The following PCDHA12 variants were observed in gnomAD, a reference collection of about 807,000 sequenced individuals.
PCDHA12 encodes protocadherin alpha 12.
PCDHA12 carries 44 observed loss-of-function variants against 60.0 expected under a neutral mutation model. That is an observed-to-expected ratio of 0.73 (90% CI 0.58 to 0.94). PCDHA12 has a LOEUF of 0.94. Ranked by LOEUF, PCDHA12 falls within the 40% of genes least tolerant of loss-of-function variation. The pLI, the probability that PCDHA12 is intolerant of heterozygous loss-of-function variation, is 0.00. For missense variants in PCDHA12, 1,276 were observed against 1,239.7 expected (o/e 1.03, Z -0.44); for synonymous variants, 569 against 553.0 (o/e 1.03, Z -0.40).
At chr5:140,957,269 T>TC (rs2095346885) in intron 1 of PCDHA12, among the ~76,000 whole-genome samples, 1 of 152,070 alleles carries the variant, frequency 6.6e-6, no homozygotes, top group African/African-American at 2.4e-5. Context: ...TAAGCACTAG[T>TC]CCCCCCTTAC....
intron 3 of PCDHA12, among the ~76,000 whole-genome samples, chr5:141,000,251 G>C (rs2097898188): frequency 6.6e-6 from 1 of 151,264 alleles, no homozygotes; most frequent in Non-Finnish European, 1.5e-5. Context: ...GCTGACACCT[G>C]TGATCCTAGC....
intron 3 of PCDHA12, among the ~76,000 whole-genome samples, chr5:140,995,578 T>C (rs1554254730): frequency 1.3e-5 from 2 of 152,256 alleles, no homozygotes; most frequent in African/African-American, 4.8e-5. Flanking sequence ...AGATGAGCTA[T>C]GAGCTTTTAA....
chr5:140,990,758 C>G (rs1432023166), intron 3 of PCDHA12, among the ~76,000 whole-genome samples: 1 of 152,162 alleles, frequency 6.6e-6, no homozygotes, highest in African/African-American at 2.4e-5. Flanking sequence ...ACCTTTGAGC[C>G]TGTAAATTTG....
rs76093196 is a variant in PCDHA12, at chr5:140,971,173, C to G, written c.2368-7776C>G. Reference sequence around the variant, plus strand: ...AGGCCAGGCTCAGCTTTGCCACCAGCTGTAAGCCGGAAGCTCAGAGGAAAG... The same window carrying G: ...AGGCCAGGCTCAGCTTTGCCACCAGGTGTAAGCCGGAAGCTCAGAGGAAAG... On this transcript the variant is annotated intron_variant, in intron 1 of 3. Transcript: ENST00000398631. Among the ~76,000 whole-genome samples the G allele has an allele frequency of 3.8e-3, 583 of 152,260 alleles. 1 individual carries two copies. Among genetic ancestry groups the G allele is most frequent in the Non-Finnish European group, 7.2e-3 (492 of 68,018 alleles).
At chr5:140,986,950 A>C (rs1161887732) in intron 3 of PCDHA12, among the ~76,000 whole-genome samples, 1 of 152,164 alleles carries the variant, frequency 6.6e-6, no homozygotes, top group Admixed American at 6.5e-5. Flanking sequence ...GTGGTCGCTC[A>C]TGCCTGTAAT....
At chr5:140,896,398 A>T (rs1322743669) in intron 1 of PCDHA12, among the ~76,000 whole-genome samples, 3 of 151,946 alleles carry the variant, frequency 2.0e-5, no homozygotes, top group African/African-American at 7.3e-5. Context: ...AGCATCTGTT[A>T]TTTTTGACTT....
At chr5:140,881,523 C>T in intron 1 of PCDHA12, 1 of 194,568 alleles carries the variant, frequency 5.1e-6, no homozygotes, top group Non-Finnish European at 9.4e-6. Context: ...AAATCCCACA[C>T]ATATTGACTG....
intron 1 of PCDHA12, among the ~76,000 whole-genome samples, chr5:140,935,292 G>A (rs782760921): frequency 3.0e-4 from 46 of 152,068 alleles, no homozygotes; most frequent in Non-Finnish European, 3.8e-4. Context: ...TCAGCACTCC[G>A]AGGTTTTTAC....
chr5:140,907,344 C>T (rs548533041), intron 1 of PCDHA12, among the ~76,000 whole-genome samples: 111 of 152,276 alleles, frequency 7.3e-4, no homozygotes, highest in Non-Finnish European at 1.2e-3. Flanking sequence ...TGCATGAGCC[C>T]GCTGCTGCAC....
At chr5:140,884,446 G>C in intron 1 of PCDHA12, 1 of 1,613,770 alleles carries the variant, frequency 6.2e-7, no homozygotes, top group Non-Finnish European at 8.5e-7. Context: ...GCTCGGCACC[G>C]CCCACCGAGG....
At chr5:140,921,868 T>C (rs1037750056) in intron 1 of PCDHA12, among the ~76,000 whole-genome samples, 1 of 152,016 alleles carries the variant, frequency 6.6e-6, no homozygotes, top group Non-Finnish European at 1.5e-5. Context: ...ATATATACAG[T>C]ATATATATAA....
At chr5:140,965,352 T>C (rs1474672624) in intron 1 of PCDHA12, among the ~76,000 whole-genome samples, 1 of 152,166 alleles carries the variant, frequency 6.6e-6, no homozygotes, top group Admixed American at 6.5e-5. Context: ...GTTGCCTCTA[T>C]AGCAGTACAA....
chr5:140,911,672 C>G (rs1010402307), intron 1 of PCDHA12, among the ~76,000 whole-genome samples: 1 of 152,156 alleles, frequency 6.6e-6, no homozygotes, highest in Non-Finnish European at 1.5e-5. Context: ...TTGCCTCTCA[C>G]GAACCGTGCA....
intron 1 of PCDHA12, among the ~76,000 whole-genome samples, chr5:140,893,124 CA>C (rs2063834148): frequency 2.0e-5 from 3 of 152,298 alleles, no homozygotes; most frequent in Admixed American, 1.3e-4. Flanking sequence ...ATATACACCA[CA>C]TTTTCTTTAT....
chr5:140,927,921 G>A, intron 1 of PCDHA12: 2 of 1,614,194 alleles, frequency 1.2e-6, no homozygotes, highest in South Asian at 1.1e-5. Context: ...TGGACTTCCT[G>A]ACTCTTTCGA....
At chr5:140,905,395 G>T (rs1562949609) in intron 1 of PCDHA12, among the ~76,000 whole-genome samples, 1 of 152,166 alleles carries the variant, frequency 6.6e-6, no homozygotes. Context: ...AGGTCTGTGT[G>T]CCTATTTTTA....
chr5:140,880,970 C>A (rs2058546777), intron 1 of PCDHA12, among the ~76,000 whole-genome samples: 1 of 152,070 alleles, frequency 6.6e-6, no homozygotes, highest in South Asian at 2.1e-4. Context: ...TAAGAGAATA[C>A]CAAATACTCT....
chr5:140,890,646 C>A (rs1332050034), intron 1 of PCDHA12, among the ~76,000 whole-genome samples: 4 of 152,082 alleles, frequency 2.6e-5, no homozygotes, highest in African/African-American at 9.7e-5. Flanking sequence ...CTTGATATAT[C>A]AAAATCAAAA....
At chr5:140,997,837 T>G (rs1414415987) in intron 3 of PCDHA12, among the ~76,000 whole-genome samples, 2 of 152,222 alleles carry the variant, frequency 1.3e-5, no homozygotes, top group African/African-American at 4.8e-5. Context: ...AACAATACAA[T>G]ATACATTCTT....
Sources: gnomAD v4.1 joint callset for allele counts (sites outside exome capture counted in the v4.1 genomes callset) on GRCh38, gnomAD v4.1.1 for gene constraint, MANE v1.5 for transcripts, NCBI Gene and HGNC (gene_info 2026-07-23, HGNC 2026-07-21) for gene names.